The following ROBO1 variants were observed in gnomAD, a reference collection of about 807,000 sequenced individuals.
ROBO1 encodes roundabout homolog 1.
A neutral mutation model predicts 195.9 loss-of-function variants in ROBO1; 149 were observed. That is an observed-to-expected ratio of 0.76 (90% CI 0.67 to 0.87). The LOEUF is 0.87. Among genes scored for constraint, ROBO1 ranks in the 40% least tolerant of loss-of-function variants. The pLI, the probability that ROBO1 is intolerant of heterozygous loss-of-function variation, is 0.00. For missense variants in ROBO1, 1,933 were observed against 2,068.3 expected (o/e 0.93, Z 1.27); for synonymous variants, 816 against 733.2 (o/e 1.11, Z -1.82).
At chr3:79,644,802 T>A (rs1323773770) in intron 1 of ROBO1, among the ~76,000 whole-genome samples, 1 of 152,144 alleles carries the variant, frequency 6.6e-6, no homozygotes, top group Non-Finnish European at 1.5e-5. Context: ...GAATAGATCA[T>A]GTTTTAGGCC....
chr3:78,803,354 G>T (rs2084426351), intron 4 of ROBO1, among the ~76,000 whole-genome samples: 1 of 151,990 alleles, frequency 6.6e-6, no homozygotes, highest in Non-Finnish European at 1.5e-5. Context: ...ATGACATTCT[G>T]CACCACATAC....
intron 2 of ROBO1, among the ~76,000 whole-genome samples, chr3:79,205,032 G>A (rs761889992): frequency 1.3e-5 from 2 of 151,940 alleles, no homozygotes; most frequent in South Asian, 2.1e-4. Flanking sequence ...TCACTCTGTC[G>A]CCTAGGCTGG....
intron 1 of ROBO1, among the ~76,000 whole-genome samples, chr3:79,743,877 A>G (rs1039576494): frequency 2.6e-5 from 4 of 152,072 alleles, no homozygotes; most frequent in African/African-American, 4.8e-5. Context: ...ACAATAGCAC[A>G]CGGAGCCGTC....
intron 2 of ROBO1, among the ~76,000 whole-genome samples, chr3:79,382,643 T>C (rs6809910): frequency 0.63 from 96,112 of 151,932 alleles, 31,028 homozygotes; most frequent in African/African-American, 0.77. Flanking sequence ...TTAATAATGG[T>C]ACTTTTTGTA....
intron 1 of ROBO1, among the ~76,000 whole-genome samples, chr3:79,645,780 A>G (rs968438522): frequency 2.0e-5 from 3 of 152,158 alleles, no homozygotes; most frequent in African/African-American, 7.2e-5. Context: ...AGACAGACAG[A>G]CCAAGAAAAC....
At chr3:79,546,739 G>T (rs1259362275) in intron 2 of ROBO1, among the ~76,000 whole-genome samples, 2 of 152,114 alleles carry the variant, frequency 1.3e-5, no homozygotes, top group Non-Finnish European at 2.9e-5. Context: ...TCCAGTACTT[G>T]CAAACAGGTT....
intron 1 of ROBO1, among the ~76,000 whole-genome samples, chr3:79,733,730 A>G (rs776560129): frequency 1.8e-4 from 28 of 152,110 alleles, no homozygotes; most frequent in Non-Finnish European, 3.2e-4. Flanking sequence ...GTACTATCAT[A>G]TTCTCTGTAC....
At chr3:79,270,215 CTCTCT>C (rs2030406951) in intron 2 of ROBO1, among the ~76,000 whole-genome samples, 1 of 151,252 alleles carries the variant, frequency 6.6e-6, no homozygotes. Context: ...CTCTCTCTCT[CTCTCT>C]CACATACACA....
Position 79,296,925 on chromosome 3 carries a change from GA to G in ROBO1, c.89-171387del, listed in dbSNP as rs541173409. 4.6e-5 allele frequency among the ~76,000 whole-genome samples: 7 copies of G among 152,172 alleles called. No individual in the cohort carries two copies. In the South Asian group the frequency reaches 1.4e-3, roughly 32 times the overall value. ...CTCTTTTTGGTATATTTAATCTTAT[GA>G]AAACAAGTTTTAAACCTATGAATTT... On this transcript the variant is annotated intron_variant, in intron 2 of 30. Coordinates refer to ENST00000464233, the MANE Select transcript of ROBO1 (RefSeq NM_002941.4).
intron 2 of ROBO1, among the ~76,000 whole-genome samples, chr3:79,248,504 A>C (rs2082666390): frequency 2.0e-5 from 3 of 152,136 alleles, no homozygotes; most frequent in Admixed American, 6.6e-5. Flanking sequence ...CTTCATGCAG[A>C]ATAAATACGT....
intron 4 of ROBO1, among the ~76,000 whole-genome samples, chr3:78,830,903 T>C (rs1007880370): frequency 6.6e-6 from 1 of 151,748 alleles, no homozygotes; most frequent in Non-Finnish European, 1.5e-5. Flanking sequence ...TTTGTTTGTT[T>C]GTTTGTTTTG....
intron 2 of ROBO1, among the ~76,000 whole-genome samples, chr3:79,334,734 C>T (rs745911697): frequency 7.5e-5 from 11 of 146,948 alleles, no homozygotes; most frequent in Admixed American, 3.4e-4. Flanking sequence ...TTTTATACCA[C>T]ATTTTTTTTT....
chr3:79,306,364 T>G (rs1030379622), intron 2 of ROBO1, among the ~76,000 whole-genome samples: 8 of 150,080 alleles, frequency 5.3e-5, no homozygotes, highest in African/African-American at 1.2e-4. Context: ...ATTTGAGCTC[T>G]TTCCTTCTCA....
Position 79,125,514 on chromosome 3 carries a change from G to C in ROBO1, c.114C>G (p.Asn38Lys), listed in dbSNP as rs930701203. Residue 38 changes from asparagine to lysine, a missense_variant, in exon 3 of 31, where the codon AAC (asparagine) becomes AAG (lysine). Physicochemically the swap from Asn to Lys is moderately conservative, Grantham distance 94. This residue lies in a region of ROBO1 where 185 missense variants were observed against 159.5 expected (regional missense o/e 1.16). Transcript: ENST00000464233. The stretch of plus-strand genomic sequence containing the variant: ...AGGTGGGGATTGGCGTCCCGTGGTC[G>C]TTCCCCCTCTCTACATCTTCAGGGT... ...IPDPEDVERG[N>K]DHGTPIPTSD... 4 of 1,613,472 alleles carry C rather than the reference G, an allele frequency of 2.5e-6. No individual in the cohort carries two copies. In the Admixed American group the frequency reaches 6.7e-5, roughly 27 times the overall value.
chr3:79,590,062 T>C, intron 1 of ROBO1, 101 bp from the exon 2 acceptor site: 1 of 532,916 alleles, frequency 1.9e-6, no homozygotes, highest in South Asian at 3.1e-5. Context: ...AATGTCATTT[T>C]TTGAAATAAT....
At chr3:79,763,925 T>C (rs954547166) in intron 1 of ROBO1, among the ~76,000 whole-genome samples, 6 of 152,106 alleles carry the variant, frequency 3.9e-5, no homozygotes, top group Non-Finnish European at 4.4e-5. Context: ...GGAAAATAGG[T>C]AGGTCCAGTT....
intron 2 of ROBO1, among the ~76,000 whole-genome samples, chr3:79,225,105 T>C (rs2108836656): frequency 6.6e-6 from 1 of 152,306 alleles, no homozygotes; most frequent in South Asian, 2.1e-4. Flanking sequence ...ATGTGTTTTA[T>C]GGCCTTTTAT....
intron 7 of ROBO1, chr3:78,714,957 G>A (rs1204801653): frequency 6.5e-6 from 1 of 152,910 alleles, no homozygotes; most frequent in East Asian, 1.9e-4. Context: ...GGAGGTAAAG[G>A]AACTTGGCCT....
chr3:79,171,349 C>A (rs1382084532), intron 2 of ROBO1, among the ~76,000 whole-genome samples: 1 of 140,116 alleles, frequency 7.1e-6, no homozygotes, highest in Non-Finnish European at 1.5e-5. Flanking sequence ...CATCTCTTCT[C>A]AACTTGACAT....
Sources: gnomAD v4.1 joint callset for allele counts (sites outside exome capture counted in the v4.1 genomes callset) on GRCh38, gnomAD v4.1.1 for gene constraint, gnomAD v4.1.1 regional missense constraint, MANE v1.5 for transcripts, NCBI Gene and HGNC (gene_info 2026-07-23, HGNC 2026-07-21) for gene names.